The following NXPE2 variants were observed in gnomAD, a reference collection of about 807,000 sequenced individuals.
The protein encoded by NXPE2 is neurexophilin and PC-esterase domain family member 2, also known as NXPE family member 2.
Under a neutral mutation model 34.4 loss-of-function variants are expected in NXPE2, and 34 were observed. The ratio of observed to expected loss-of-function variants is 0.99; its 90% confidence interval spans 0.75 to 1.31. NXPE2 has a LOEUF of 1.31. Ranked by LOEUF, NXPE2 falls within the 40% of genes most tolerant of loss-of-function variation. NXPE2 has a pLI of 0.00. For missense variants in NXPE2, 649 were observed against 672.5 expected (o/e 0.97, Z 0.39); for synonymous variants, 235 against 231.3 (o/e 1.02, Z -0.15).
At chr11:114,643,135 C>A in the NXPE2 span, among the ~76,000 whole-genome samples, 1 of 151,848 alleles carries the variant, frequency 6.6e-6, no homozygotes, top group Non-Finnish European at 1.5e-5. Flanking sequence ...AATTTAAGTT[C>A]TTTGTAGATT....
the NXPE2 span, among the ~76,000 whole-genome samples, chr11:114,757,593 A>G: frequency 6.6e-6 from 1 of 152,246 alleles, no homozygotes; most frequent in African/African-American, 2.4e-5. Context: ...AGAGATTTGG[A>G]AAGGCCAGCC....
At chr11:114,675,556 TA>T (rs1217656144), upstream of NXPE2, among the ~76,000 whole-genome samples, 1 of 151,758 alleles carries the variant, frequency 6.6e-6, no homozygotes, top group African/African-American at 2.4e-5. Context: ...TAATTTAATA[TA>T]GCATAAAAAA....
At chr11:114,692,831 G>C (rs1469834862) in intron 2 of NXPE2, among the ~76,000 whole-genome samples, 1 of 151,744 alleles carries the variant, frequency 6.6e-6, no homozygotes, top group South Asian at 2.1e-4. Context: ...TTTTGAGATA[G>C]AGTTTTGCTG....
intron 2 of NXPE2, among the ~76,000 whole-genome samples, chr11:114,695,889 G>A (rs1951243081): frequency 1.4e-5 from 2 of 145,626 alleles, no homozygotes; most frequent in African/African-American, 5.1e-5. Context: ...GTGGTGGGGC[G>A]CACCTGTAAT....
the NXPE2 span, among the ~76,000 whole-genome samples, chr11:114,734,941 C>T: frequency 9.9e-5 from 15 of 152,044 alleles, no homozygotes; most frequent in Admixed American, 9.8e-4. Context: ...ACCCTGTCTC[C>T]ACTAAAAAAT....
chr11:114,750,555 A>G, the NXPE2 span, among the ~76,000 whole-genome samples: 2 of 152,100 alleles, frequency 1.3e-5, no homozygotes, highest in Non-Finnish European at 2.9e-5. Context: ...ATTTCCTTTC[A>G]TTTCTGCTTT....
chr11:114,647,397 A>G, the NXPE2 span, among the ~76,000 whole-genome samples: 2 of 152,158 alleles, frequency 1.3e-5, no homozygotes. Flanking sequence ...GTTCTTCCAT[A>G]AAAGTTTGAT....
the NXPE2 span, among the ~76,000 whole-genome samples, chr11:114,494,128 T>G: frequency 6.6e-6 from 1 of 152,226 alleles, no homozygotes; most frequent in East Asian, 1.9e-4. Flanking sequence ...TTAGGATCAT[T>G]TTTAAATCCT....
the NXPE2 span, among the ~76,000 whole-genome samples, chr11:114,666,170 T>G: frequency 6.6e-6 from 1 of 152,124 alleles, no homozygotes; most frequent in Non-Finnish European, 1.5e-5. Flanking sequence ...TCTCTAAGGC[T>G]CTCACATTTT....
chr11:114,811,571 G>A, the NXPE2 span, among the ~76,000 whole-genome samples: 1 of 152,180 alleles, frequency 6.6e-6, no homozygotes, highest in African/African-American at 2.4e-5. Context: ...GGCAGTGGTA[G>A]GAAGTCTTCA....
the NXPE2 span, among the ~76,000 whole-genome samples, chr11:114,776,213 G>A: frequency 2.6e-4 from 40 of 152,324 alleles, no homozygotes; most frequent in African/African-American, 8.4e-4. Flanking sequence ...CTGATCCAGC[G>A]GCCCCCGTGT....
At chr11:114,485,888 T>C in the NXPE2 span, among the ~76,000 whole-genome samples, 1 of 152,234 alleles carries the variant, frequency 6.6e-6, no homozygotes, top group Non-Finnish European at 1.5e-5. Flanking sequence ...ATTTTCTTTA[T>C]TCATTCATCT....
At chr11:114,489,509 A>G in the NXPE2 span, among the ~76,000 whole-genome samples, 1 of 152,222 alleles carries the variant, frequency 6.6e-6, no homozygotes, top group Non-Finnish European at 1.5e-5. Context: ...CTTATCCACC[A>G]TGATCAAGTG....
chr11:114,548,784 G>A, the NXPE2 span, among the ~76,000 whole-genome samples: 1 of 151,458 alleles, frequency 6.6e-6, no homozygotes, highest in African/African-American at 2.4e-5. Flanking sequence ...GAAAGAAAAA[G>A]GTAGGAATTG....
At chr11:114,784,090 C>T in the NXPE2 span, among the ~76,000 whole-genome samples, 2 of 152,132 alleles carry the variant, frequency 1.3e-5, no homozygotes, top group Non-Finnish European at 2.9e-5. Context: ...AGAGGCAGGG[C>T]CAAGGTTCAA....
At chr11:114,808,148 G>A in the NXPE2 span, among the ~76,000 whole-genome samples, 3 of 152,106 alleles carry the variant, frequency 2.0e-5, no homozygotes, top group Non-Finnish European at 2.9e-5. Flanking sequence ...AAACCAACGA[G>A]GACAAAGACA....
At chr11:114,483,009 C>T in the NXPE2 span, among the ~76,000 whole-genome samples, 1 of 151,790 alleles carries the variant, frequency 6.6e-6, no homozygotes, top group Non-Finnish European at 1.5e-5. Context: ...TTGTCATTCA[C>T]AAAGTTTCTA....
the NXPE2 span, among the ~76,000 whole-genome samples, chr11:114,778,403 G>A: frequency 6.6e-6 from 1 of 152,160 alleles, no homozygotes; most frequent in Non-Finnish European, 1.5e-5. Context: ...TTGAGCAGAG[G>A]AATGGCATGA....
chr11:114,785,533 C>T, the NXPE2 span, among the ~76,000 whole-genome samples: 1 of 152,240 alleles, frequency 6.6e-6, no homozygotes, highest in African/African-American at 2.4e-5. Context: ...TTAGCAGTTT[C>T]CTCCCCCTGT....
Sources: allele counts gnomAD v4.1 joint callset (sites outside exome capture counted in the v4.1 genomes callset), GRCh38; gene constraint gnomAD v4.1.1; transcripts MANE v1.5; gene names NCBI Gene and HGNC (gene_info 2026-07-23, HGNC 2026-07-21).